Variants in DSCAM observed in about 807,000 individuals in gnomAD.
DSCAM encodes the protein cell adhesion molecule DSCAM.
A neutral mutation model predicts 217.7 loss-of-function variants in DSCAM; 47 were observed. That is an observed-to-expected ratio of 0.22 (90% CI 0.17 to 0.28). DSCAM has a LOEUF of 0.28. Among genes scored for constraint, DSCAM ranks in the 10% least tolerant of loss-of-function variants. DSCAM has a pLI of 1.00. For synonymous variants in DSCAM, 1,056 were observed against 1,015.3 expected (o/e 1.04, Z -0.76); for missense variants, 2,080 against 2,618.3 (o/e 0.79, Z 4.49).
At chr21:40,212,629 A>T (rs886765127) in intron 11 of DSCAM, among the ~76,000 whole-genome samples, 1 of 152,040 alleles carries the variant, frequency 6.6e-6, no homozygotes, top group East Asian at 1.9e-4. Context: ...TATGGTTGGC[A>T]ATAAAGCAGG....
chr21:40,101,594 C>T (rs149802151), intron 20 of DSCAM, among the ~76,000 whole-genome samples: 253 of 152,034 alleles, frequency 1.7e-3, no homozygotes, highest in Non-Finnish European at 3.1e-3. Context: ...GTCCGTAGCC[C>T]GGGGGTTGGG....
chr21:40,254,950 C>T (rs2073351542), intron 11 of DSCAM, among the ~76,000 whole-genome samples: 1 of 151,998 alleles, frequency 6.6e-6, no homozygotes, highest in Non-Finnish European at 1.5e-5. Flanking sequence ...TATTCATCTG[C>T]TGATATGATT....
chr21:40,544,574 T>C (rs2076566802), intron 3 of DSCAM, among the ~76,000 whole-genome samples: 1 of 152,080 alleles, frequency 6.6e-6, no homozygotes, highest in Non-Finnish European at 1.5e-5. Context: ...CAAGGAATGC[T>C]GAAGAATGCC....
chr21:40,683,638 G>C (rs960671276), intron 3 of DSCAM, among the ~76,000 whole-genome samples: 7 of 152,144 alleles, frequency 4.6e-5, no homozygotes, highest in Non-Finnish European at 1.0e-4. Flanking sequence ...GAGCAGGTAA[G>C]GGGACCAGGA....
At chr21:40,594,067 C>G (rs138823213) in intron 3 of DSCAM, among the ~76,000 whole-genome samples, 1 of 152,282 alleles carries the variant, frequency 6.6e-6, no homozygotes, top group Non-Finnish European at 1.5e-5. Context: ...TTACAAGCCC[C>G]TTTTCAGTTA....
intron 1 of DSCAM, among the ~76,000 whole-genome samples, chr21:40,829,275 G>C (rs764920934): frequency 6.6e-6 from 1 of 152,270 alleles, no homozygotes; most frequent in Non-Finnish European, 1.5e-5. Context: ...TGAGGTTATC[G>C]ACTCAGAGTC....
Position 40,472,742 on chromosome 21 carries a change from T to A in DSCAM, c.509-103497A>T, listed in dbSNP as rs574721445. 3.4e-4 allele frequency among the ~76,000 whole-genome samples: 50 copies of A among 148,944 alleles called. No individual in the cohort carries two copies. The South Asian group carries it at 8.2e-3, about 25-fold the overall frequency. The stretch of plus-strand genomic sequence containing the variant: ...TGTGTGTTTAAATGTAAAGTTTTTT[T>A]AAAAAGACCTCATACTCATTTCTCA... On this transcript the variant is annotated intron_variant, in intron 3 of 32. Transcript: ENST00000400454.
chr21:40,520,801 T>A (rs927906457), intron 3 of DSCAM, among the ~76,000 whole-genome samples: 13 of 152,208 alleles, frequency 8.5e-5, no homozygotes, highest in Non-Finnish European at 1.8e-4. Context: ...AACAAGACTC[T>A]CTCTCTCTAA....
At chr21:40,350,289 G>T (rs1250630574) in intron 5 of DSCAM, among the ~76,000 whole-genome samples, 2 of 152,094 alleles carry the variant, frequency 1.3e-5, no homozygotes, top group African/African-American at 4.8e-5. Context: ...TGACAAATGG[G>T]ATCTAATTAA....
chr21:40,649,314 G>A (rs190173846), intron 3 of DSCAM, among the ~76,000 whole-genome samples: 245 of 152,238 alleles, frequency 1.6e-3, no homozygotes, highest in African/African-American at 5.8e-3. Context: ...AGAGCAGCAG[G>A]AGGCATTGCA....
At chr21:40,760,206 C>T (rs1015446772) in intron 1 of DSCAM, among the ~76,000 whole-genome samples, 3 of 151,946 alleles carry the variant, frequency 2.0e-5, no homozygotes, top group Admixed American at 6.6e-5. Flanking sequence ...TAGAGAGAGA[C>T]GGGGTTTCAC....
chr21:40,593,221 G>C (rs944400789), intron 3 of DSCAM, among the ~76,000 whole-genome samples: 3 of 151,618 alleles, frequency 2.0e-5, no homozygotes, highest in Admixed American at 6.6e-5. Context: ...TCTTGAAATT[G>C]TTGGTCCTTG....
intron 3 of DSCAM, among the ~76,000 whole-genome samples, chr21:40,464,546 A>G (rs951318553): frequency 2.0e-5 from 3 of 152,078 alleles, no homozygotes; most frequent in Non-Finnish European, 4.4e-5. Flanking sequence ...GCAAAAACAA[A>G]ACAGGAGTCA....
intron 3 of DSCAM, among the ~76,000 whole-genome samples, chr21:40,521,399 C>T (rs2076357761): frequency 6.6e-6 from 1 of 152,108 alleles, no homozygotes; most frequent in Non-Finnish European, 1.5e-5. Context: ...TTCCTTTCTC[C>T]ACATCCTCAG....
At chr21:40,380,302 G>T (rs934338012) in intron 3 of DSCAM, among the ~76,000 whole-genome samples, 1 of 152,150 alleles carries the variant, frequency 6.6e-6, no homozygotes, top group African/African-American at 2.4e-5. Context: ...TCCTTAGAAA[G>T]AATATAATTG....
intron 24 of DSCAM, among the ~76,000 whole-genome samples, chr21:40,080,966 G>A (rs2089447151): frequency 6.6e-6 from 1 of 152,126 alleles, no homozygotes. Flanking sequence ...GTCCACTCTA[G>A]AGCACTCACT....
rs1294929762 is a variant in DSCAM at position 40,016,589 on chromosome 21, G to A, written c.5687-3203C>T. Among the ~76,000 whole-genome samples the A allele has an allele frequency of 1.3e-5, 2 of 152,226 alleles. No homozygotes were observed. Among genetic ancestry groups the A allele is most frequent in the East Asian group, 1.9e-4 (1 of 5,182 alleles). ...CCCTGCTTTCCTTATGTTACTGTAT[G>A]CTAACAATAATTAATTGAGCCTTCC... On this transcript the variant is annotated intron_variant, in intron 32 of 32. Coordinates refer to ENST00000400454, the MANE Select transcript of DSCAM (RefSeq NM_001389.5). The surrounding 1 kb of genome is among the most constrained non-coding windows in gnomAD (Gnocchi z 4.3).
Position 40,062,893 on chromosome 21 carries a change from T to C in DSCAM, c.4895A>G (p.Lys1632Arg). ...CCTCATGAGCATTTCAGCTAAACTC[T>C]TTGCATCTGGGGAAAGAAAGTTAAC... ...EQRLKRLRDA[K>R]SLAEMLMSKN... The change falls in exon 28 of 33, where the codon AAG becomes AGG. Residue 1632 changes from lysine (K) to arginine (R), a missense_variant. Lys to Arg is a conservative substitution (Grantham distance 26). This residue lies in a region of DSCAM where 1,144 missense variants were observed against 1,421.1 expected (regional missense o/e 0.81). Coordinates refer to ENST00000400454, the MANE Select transcript of DSCAM (RefSeq NM_001389.5). The C allele has an allele frequency of 6.3e-7, 1 of 1,598,472 alleles. No individual in the cohort carries two copies. The highest frequency in any genetic ancestry group is 8.5e-7 in the Non-Finnish European group (1 of 1,174,964).
rs1355980621 is a variant in DSCAM, at chr21:40,167,185, A to T, written c.3018+33T>A. ...AGTGAAGGGCTCGCCCTGGGGGGAA[A>T]GCACCGAGAATACAAATGTTTGCTG... On this transcript the variant is annotated intron_variant, in intron 16 of 32. Coordinates refer to ENST00000400454, the MANE Select transcript of DSCAM (RefSeq NM_001389.5). 2.5e-6 allele frequency: 4 copies of T among 1,605,102 alleles called. No individual in the cohort carries two copies. In the African/African-American group the frequency reaches 4.0e-5, roughly 16 times the overall value.
Sources: gnomAD v4.1 joint callset for allele counts (sites outside exome capture counted in the v4.1 genomes callset) on GRCh38, gnomAD v4.1.1 for gene constraint, gnomAD v4.1.1 regional missense constraint, Gnocchi (gnomAD v3.1) non-coding constraint, MANE v1.5 for transcripts, NCBI Gene and HGNC (gene_info 2026-07-23, HGNC 2026-07-21) for gene names.